The following ADK variants were observed in gnomAD, a reference collection of about 807,000 sequenced individuals.
ADK encodes N6,N6-dimethyladenosine kinase.
Under a neutral mutation model 44.7 loss-of-function variants are expected in ADK, and 24 were observed. That is an observed-to-expected ratio of 0.54 (90% CI 0.39 to 0.76). The LOEUF (loss-of-function observed/expected upper bound fraction) is 0.76, where lower values mean the gene tolerates loss of function less well. Ranked by LOEUF, ADK falls within the 30% of genes least tolerant of loss-of-function variation. The pLI is 0.00. For missense variants in ADK, 321 were observed against 425.1 expected (o/e 0.76, Z 2.15); for synonymous variants, 128 against 142.6 (o/e 0.90, Z 0.73).
chr10:74,446,195 C>CT (rs1220235495), intron 6 of ADK, among the ~76,000 whole-genome samples: 1 of 151,876 alleles, frequency 6.6e-6, no homozygotes, highest in East Asian at 1.9e-4. Context: ...TTATTTGACC[C>CT]TTTTTGTTGG....
intron 9 of ADK, among the ~76,000 whole-genome samples, chr10:74,640,204 A>G (rs1012102690): frequency 4.6e-5 from 7 of 152,192 alleles, no homozygotes; most frequent in Non-Finnish European, 1.0e-4. Context: ...AGCAGCAGGG[A>G]CTAATGAGGC....
intron 4 of ADK, among the ~76,000 whole-genome samples, chr10:74,375,113 T>G (rs575159487): frequency 6.6e-6 from 1 of 152,288 alleles, no homozygotes; most frequent in South Asian, 2.1e-4. Context: ...AATTGAGGTA[T>G]GAATCAGACT....
At chr10:74,473,744 G>T (rs751573157) in intron 6 of ADK, among the ~76,000 whole-genome samples, 11 of 152,166 alleles carry the variant, frequency 7.2e-5, no homozygotes, top group Non-Finnish European at 1.6e-4. Context: ...TTAAGGTGGT[G>T]TCCATTGGGT....
intron 9 of ADK, 22 bp from the exon 10 acceptor site, chr10:74,670,161 C>G (rs551646191): frequency 6.3e-7 from 1 of 1,599,638 alleles, no homozygotes; most frequent in Non-Finnish European, 8.6e-7. Context: ...GTCATTCTGC[C>G]TTTCTTTGGC....
intron 10 of ADK, among the ~76,000 whole-genome samples, chr10:74,671,046 A>AAAAAAAAAG (rs1855155952): frequency 6.7e-6 from 1 of 150,258 alleles, no homozygotes; most frequent in Non-Finnish European, 1.5e-5. Flanking sequence ...TTTAAAAAAA[A>AAAAAAAAAG]AAAAAAAAAA....
intron 3 of ADK, among the ~76,000 whole-genome samples, chr10:74,284,106 G>A (rs1400405526): frequency 6.6e-6 from 1 of 152,094 alleles, no homozygotes; most frequent in East Asian, 1.9e-4. Flanking sequence ...TTACAGGCGT[G>A]TGCCACCATG....
intron 1 of ADK, among the ~76,000 whole-genome samples, chr10:74,164,639 C>T (rs760402350): frequency 3.3e-5 from 5 of 152,022 alleles, no homozygotes; most frequent in Non-Finnish European, 7.3e-5. Context: ...GTTTGCATAT[C>T]CTAAGGGTGT....
rs376663637 is a variant in ADK at position 74,299,515 on chromosome 10, A to AATAT, written c.195-15138_195-15135dup. On this transcript the variant is annotated intron_variant, in intron 3 of 10. Coordinates refer to ENST00000539909, the MANE Select transcript of ADK (RefSeq NM_006721.4). ...ACTCTGTCTCAAAAAAAAAAAAAGA[A>AATAT]ATATATATATATATATAAAATATAT... Among the ~76,000 whole-genome samples the AATAT allele has an allele frequency of 3.2e-3, 444 of 140,476 alleles. 2 individuals carry two copies. The highest frequency in any genetic ancestry group is 0.027 in the Middle Eastern group (7 of 260). 92.2% of individuals were successfully genotyped at this position (140,476 alleles called of 152,430 possible).
At chr10:74,233,199 T>C (rs898094562) in intron 3 of ADK, among the ~76,000 whole-genome samples, 1 of 152,176 alleles carries the variant, frequency 6.6e-6, no homozygotes. Context: ...TTAAATCTTA[T>C]TCAATCATGA....
At chr10:74,629,835 A>G (rs982786817) in intron 9 of ADK, among the ~76,000 whole-genome samples, 2 of 152,208 alleles carry the variant, frequency 1.3e-5, no homozygotes, top group African/African-American at 4.8e-5. Flanking sequence ...ATGACCTTAG[A>G]TATCAGCTGG....
chr10:74,468,022 T>A (rs1846423326), intron 6 of ADK, among the ~76,000 whole-genome samples: 1 of 152,162 alleles, frequency 6.6e-6, no homozygotes, highest in African/African-American at 2.4e-5. Context: ...ACTTTTTATA[T>A]TTTATTACAC....
At chr10:74,423,940 GA>G in intron 6 of ADK, 1 of 210,034 alleles carries the variant, frequency 4.8e-6, no homozygotes, top group South Asian at 8.8e-5. Context: ...GACAAGGCTG[GA>G]TTTGGCCACC....
intron 4 of ADK, among the ~76,000 whole-genome samples, chr10:74,343,774 T>C (rs921944247): frequency 6.6e-6 from 1 of 151,878 alleles, no homozygotes; most frequent in African/African-American, 2.4e-5. Flanking sequence ...ACGCCTAACT[T>C]ATTTTTGTAT....
At chr10:74,269,231 TA>T (rs1249590674) in intron 3 of ADK, among the ~76,000 whole-genome samples, 1 of 152,214 alleles carries the variant, frequency 6.6e-6, no homozygotes, top group Non-Finnish European at 1.5e-5. Flanking sequence ...TAATTGTTTT[TA>T]AACTGTTTGA....
At chr10:74,417,051 A>T (rs1292250909) in intron 6 of ADK, among the ~76,000 whole-genome samples, 2 of 152,084 alleles carry the variant, frequency 1.3e-5, no homozygotes, top group Non-Finnish European at 2.9e-5. Context: ...TTCCTGGTAG[A>T]TTGATAGGCT....
At chr10:74,480,021 A>G (rs1015595212) in intron 6 of ADK, among the ~76,000 whole-genome samples, 123 of 152,144 alleles carry the variant, frequency 8.1e-4, no homozygotes, top group African/African-American at 2.9e-3. Context: ...TTATCTTCTA[A>G]TACATTTCTC....
chr10:74,647,252 G>T (rs1854086028), intron 9 of ADK, among the ~76,000 whole-genome samples: 1 of 152,152 alleles, frequency 6.6e-6, no homozygotes, highest in Non-Finnish European at 1.5e-5. Context: ...GCTACCCACA[G>T]TATAGTATCC....
chr10:74,217,984 C>G, intron 2 of ADK, among the ~76,000 whole-genome samples: 1 of 152,268 alleles, frequency 6.6e-6, no homozygotes, highest in African/African-American at 2.4e-5. Flanking sequence ...TCCAAAGGAT[C>G]GCAGTTCCTC....
Position 74,456,124 on chromosome 10 carries a change from G to A in ADK, c.555+57545G>A, listed in dbSNP as rs192441911. On this transcript the variant is annotated intron_variant, in intron 6 of 10. Coordinates refer to ENST00000539909, the MANE Select transcript of ADK (RefSeq NM_006721.4). ...AACACCCCACTGTTAATATTAGACA[G>A]ATCAACGAGACAGAAAATTAACAAG... 7.9e-4 allele frequency among the ~76,000 whole-genome samples: 120 copies of A among 152,138 alleles called. No homozygotes were observed. In the Middle Eastern group the frequency reaches 0.01, roughly 13 times the overall value.
Sources: gnomAD v4.1 joint callset for allele counts (sites outside exome capture counted in the v4.1 genomes callset) on GRCh38, gnomAD v4.1.1 for gene constraint, MANE v1.5 for transcripts, NCBI Gene and HGNC (gene_info 2026-07-23, HGNC 2026-07-21) for gene names.